The following PKD2L2 variants were observed in gnomAD, a reference collection of about 807,000 sequenced individuals.
PKD2L2 encodes polycystin-2-like protein 2.
Under a neutral mutation model 83.9 loss-of-function variants are expected in PKD2L2, and 67 were observed. The observed-to-expected ratio is 0.80, with a 90% CI of 0.66 to 0.98. The LOEUF (loss-of-function observed/expected upper bound fraction) is 0.98. Among genes scored for constraint, PKD2L2 ranks in the 50% least tolerant of loss-of-function variants. PKD2L2 has a pLI of 0.00. For synonymous variants in PKD2L2, 223 were observed against 237.8 expected (o/e 0.94, Z 0.57); for missense variants, 632 against 717.2 (o/e 0.88, Z 1.36).
chr5:137,924,640 G>A (rs1228815784), intron 10 of PKD2L2, among the ~76,000 whole-genome samples: 1 of 152,246 alleles, frequency 6.6e-6, no homozygotes, highest in African/African-American at 2.4e-5. Context: ...CTTTGTCCAA[G>A]AACTAATCTG....
At chr5:137,901,998 G>GAA (rs113895657) in intron 5 of PKD2L2, among the ~76,000 whole-genome samples, 14 of 142,102 alleles carry the variant, frequency 9.9e-5, no homozygotes, top group African/African-American at 1.5e-4. Flanking sequence ...TGTGGATATG[G>GAA]AAAAAAAAAA....
intron 7 of PKD2L2, 140 bp downstream of exon 7, chr5:137,908,052 T>C (rs696813): frequency 0.99 from 432,116 of 435,790 alleles, 214,357 homozygotes; most frequent in East Asian, 1. Flanking sequence ...CAGTGGCTCA[T>C]ACCTGTACTC....
At chr5:137,917,862 A>T (rs1758524181) in intron 8 of PKD2L2, among the ~76,000 whole-genome samples, 1 of 152,004 alleles carries the variant, frequency 6.6e-6, no homozygotes, top group Non-Finnish European at 1.5e-5. Context: ...GTGAATTTTT[A>T]GATTCAAACT....
At position 137,894,909 on chromosome 5, in the gene PKD2L2, T is replaced by C. The variant is rs552936632; in HGVS notation, c.524+300T>C. Among the ~76,000 whole-genome samples, 15 of 152,330 alleles carry C rather than the reference T, an allele frequency of 9.8e-5. No individual in the cohort carries two copies. In the South Asian group the frequency reaches 1.9e-3, roughly 19 times the overall value. On this transcript the variant is annotated intron_variant, in intron 4 of 14. Transcript: ENST00000508883. ...TTGCTTCTAAAATGGTCAATTAATCTGCTTTTCTGGCTGTGGCTAGATGCC... is the reference window on the plus strand; with the variant it reads ...TTGCTTCTAAAATGGTCAATTAATCCGCTTTTCTGGCTGTGGCTAGATGCC...
intron 14 of PKD2L2, chr5:137,941,848 C>T: frequency 1.9e-6 from 2 of 1,044,020 alleles, no homozygotes; most frequent in Non-Finnish European, 2.9e-6. Context: ...ATCCTATATG[C>T]ACAATTTCTA....
At chr5:137,890,261 G>T in intron 1 of PKD2L2, 1 of 358,752 alleles carries the variant, frequency 2.8e-6, no homozygotes. Flanking sequence ...CCAGCCTGGC[G>T]ACAGAGCTAG....
At chr5:137,919,497 G>T (rs112073497) in intron 8 of PKD2L2, among the ~76,000 whole-genome samples, 1 of 143,162 alleles carries the variant, frequency 7.0e-6, no homozygotes, top group Non-Finnish European at 1.5e-5. Context: ...AGAAAAGAAT[G>T]AGAATGGTTC....
chr5:137,890,554 C>A lies in PKD2L2; in HGVS notation c.105C>A (p.Tyr35Ter), dbSNP rs1755874837. ...CCACACTTCAGGAATTGTTACTCTA[C>A]TTTATTTTTTTAATAAACCTATGTA... ...ITTTLQELLL[Y>*]FIFLINLCIL... Residue 35 changes from tyrosine to a stop codon, truncating the protein, a stop_gained, in exon 2 of 15, where the codon TAC becomes TAA. Transcript: ENST00000508883. LOFTEE classifies it high-confidence loss of function. The A allele has an allele frequency of 6.5e-7, 1 of 1,526,748 alleles. No individual in the cohort carries two copies. The highest frequency in any genetic ancestry group is 9.0e-7 in the Non-Finnish European group (1 of 1,114,006). 94.6% of individuals were successfully genotyped at this position (1,526,748 alleles called of 1,614,324 possible). A position where few individuals can be genotyped will look rare whatever the true frequency, so the allele number is the denominator to read the frequency against.
rs1345581218 is a variant in PKD2L2 at position 137,892,469 on chromosome 5, A to G, written c.134-11A>G. On this transcript the variant is annotated splice_polypyrimidine_tract_variant and intron_variant, in intron 2 of 14. Transcript: ENST00000508883. ...AATGTAAATTATTAAACAAAAAATT[A>G]TTCTCCTTAGTGACTTTTGGGATGG... is the stretch of plus-strand genomic sequence containing the variant. 1.4e-6 allele frequency: 2 copies of G among 1,385,222 alleles called. No homozygotes were observed. The highest frequency in any genetic ancestry group is 1.9e-6 in the Non-Finnish European group (2 of 1,037,386). The allele number at this position is 1,385,222 out of a possible 1,614,324, so 85.8% of individuals were successfully genotyped here. A position where few individuals can be genotyped will look rare whatever the true frequency, so the allele number is the denominator to read the frequency against.
At chr5:137,914,230 T>C (rs966831341) in intron 8 of PKD2L2, among the ~76,000 whole-genome samples, 4 of 151,964 alleles carry the variant, frequency 2.6e-5, no homozygotes, top group African/African-American at 9.7e-5. Flanking sequence ...AGATCATCAT[T>C]ACAGGTTGAG....
At chr5:137,937,591 T>C (rs920753830) in intron 14 of PKD2L2, among the ~76,000 whole-genome samples, 1 of 152,244 alleles carries the variant, frequency 6.6e-6, no homozygotes, top group Non-Finnish European at 1.5e-5. Context: ...TGATGCTCAA[T>C]AGTTCCTGAA....
rs768431299 is a variant in PKD2L2 at position 137,908,939 on chromosome 5, A to G, written c.1321A>G (p.Asn441Asp). 12 of 1,589,882 alleles carry G rather than the reference A, an allele frequency of 7.5e-6. No homozygotes were observed. Among genetic ancestry groups the G allele is most frequent in the Non-Finnish European group, 1.0e-5 (12 of 1,162,288 alleles). ...SQVDDFSTFQ[N>D]SIFAQFRIVL... Reference sequence around the variant, plus strand: ...AGTTGATGACTTTTCCACTTTTCAGAATTCCATGTAAGCTCTTAGTATAAA... The same window carrying G: ...AGTTGATGACTTTTCCACTTTTCAGGATTCCATGTAAGCTCTTAGTATAAA... The change falls in exon 8 of 15, where the codon AAT (asparagine) becomes GAT (aspartate). Residue 441 changes from asparagine (N) to aspartate (D), a missense_variant. Physicochemically the swap from Asn to Asp is conservative, Grantham distance 23. Coordinates refer to ENST00000508883, the MANE Select transcript of PKD2L2 (RefSeq NM_001300921.2).
chr5:137,934,764 A>G (rs575953895), intron 12 of PKD2L2, among the ~76,000 whole-genome samples: 1 of 152,200 alleles, frequency 6.6e-6, no homozygotes, highest in African/African-American at 2.4e-5. Context: ...TTCAACTTCC[A>G]CATCGAATGC....
chr5:137,903,326 G>T (rs1473493720), intron 5 of PKD2L2, among the ~76,000 whole-genome samples: 3 of 152,176 alleles, frequency 2.0e-5, no homozygotes, highest in Non-Finnish European at 4.4e-5. Context: ...AGAAATTCAT[G>T]TGTTTGAGTC....
At chr5:137,915,282 C>T (rs910501277) in intron 8 of PKD2L2, among the ~76,000 whole-genome samples, 1 of 152,072 alleles carries the variant, frequency 6.6e-6, no homozygotes, top group Non-Finnish European at 1.5e-5. Context: ...GAAGCATTCC[C>T]TTCTCTTCCA....
Position 137,892,596 on chromosome 5 carries a change from A to G in PKD2L2, c.250A>G (p.Ile84Val), listed in dbSNP as rs2149998200. 3 of 1,611,546 alleles carry G rather than the reference A, an allele frequency of 1.9e-6. No individual in the cohort carries two copies. The South Asian group carries it at 3.3e-5, about 18-fold the overall frequency. The change falls in exon 3 of 15, where the codon ATA becomes GTA. Residue 84 changes from isoleucine to valine, a missense_variant. By Grantham distance (29) the Ile-to-Val change is conservative. Coordinates refer to ENST00000508883, the MANE Select transcript of PKD2L2 (RefSeq NM_001300921.2). ...AACCAACTTTAAGTCCATTCGCAGC[A>G]TAACTGATTTTTGGAAGGTAAAGTA... ...ERTNFKSIRS[I>V]TDFWKFMEGP... is the part of the protein sequence containing the mutation.
intron 14 of PKD2L2, among the ~76,000 whole-genome samples, chr5:137,941,703 A>G (rs966629365): frequency 1.7e-4 from 26 of 152,228 alleles, no homozygotes; most frequent in Admixed American, 1.4e-3. Flanking sequence ...AAATCACTGC[A>G]ATACAACCAA....
intron 14 of PKD2L2, among the ~76,000 whole-genome samples, chr5:137,941,558 A>G (rs1761846638): frequency 6.6e-6 from 1 of 152,194 alleles, no homozygotes; most frequent in Non-Finnish European, 1.5e-5. Context: ...GTATGAACAC[A>G]ATGGTCTCAG....
At chr5:137,894,636 CTT>C (rs1255845159) in intron 4 of PKD2L2, 27 bp downstream of exon 4, 7 of 1,553,454 alleles carry the variant, frequency 4.5e-6, no homozygotes, top group African/African-American at 1.4e-5. Flanking sequence ...TATACTGTAA[CTT>C]TTTCTAGCAT....
Sources: gnomAD v4.1 joint callset for allele counts (sites outside exome capture counted in the v4.1 genomes callset) on GRCh38, gnomAD v4.1.1 for gene constraint, MANE v1.5 for transcripts, NCBI Gene and HGNC (gene_info 2026-07-23, HGNC 2026-07-21) for gene names.